The following ZSCAN30 variants were observed in gnomAD, a reference collection of about 807,000 sequenced individuals.
ZSCAN30 encodes zinc finger and SCAN domain containing 30.
In ZSCAN30, 37 loss-of-function variants were observed where a neutral mutation model predicts 44.3. That is an observed-to-expected ratio of 0.84 (90% confidence interval 0.64 to 1.10). The LOEUF (loss-of-function observed/expected upper bound fraction) is 1.10. Ranked by LOEUF, ZSCAN30 falls within the 50% of genes least tolerant of loss-of-function variation. The pLI, the probability that ZSCAN30 is intolerant of heterozygous loss-of-function variation, is 0.00. For missense variants in ZSCAN30, 549 were observed against 582.6 expected (o/e 0.94, Z 0.59); for synonymous variants, 181 against 204.6 (o/e 0.88, Z 0.98).
At position 35,264,214 on chromosome 18, in the gene ZSCAN30, ATACCTCT is replaced by A. The variant is rs2044098429; in HGVS notation, c.132_138del (p.Gln44HisfsTer21). The A allele has an allele frequency of 6.2e-7, 1 of 1,614,102 alleles. No individual in the cohort carries two copies. Among genetic ancestry groups the A allele is most frequent in the African/African-American group, 1.3e-5 (1 of 74,946 alleles). Reference sequence around the variant, plus strand: ...CTAAACTGCCTGAACTTCTGCCGGAATACCTCTTGGCTCCAGGGGTTTTCCTGAAGGC... The same window carrying A: ...CTAAACTGCCTGAACTTCTGCCGGAATGGCTCCAGGGGTTTTCCTGAAGGC... On this transcript the variant is annotated frameshift_variant, in exon 2 of 4. Coordinates refer to ENST00000333206, the MANE Select transcript of ZSCAN30 (RefSeq NM_001112734.4). LOFTEE classifies it high-confidence loss of function.
At chr18:35,266,564 T>A (rs1194823179) in intron 1 of ZSCAN30, 1 of 151,798 alleles carries the variant, frequency 6.6e-6, no homozygotes, top group Non-Finnish European at 1.5e-5. Flanking sequence ...CTGAGATGCC[T>A]ACGAAGCAGC....
chr18:35,263,461 G>A (rs549783748), intron 3 of ZSCAN30, 52 bp downstream of exon 3: 3 of 1,606,864 alleles, frequency 1.9e-6, no homozygotes, highest in Non-Finnish European at 1.7e-6. Flanking sequence ...CCGTGCCACA[G>A]TTGATAGCTC....
rs530974773 is a variant in ZSCAN30 at position 35,251,318 on chromosome 18, A to G, written c.*2132T>C. On this transcript the variant is annotated 3_prime_UTR_variant, in exon 4 of 4. Transcript: ENST00000333206. ...CCAACACTTACAATTCACAATCAGGAGAAAAACCTATTATATGATACTTAA... is the reference window on the plus strand; with the variant it reads ...CCAACACTTACAATTCACAATCAGGGGAAAAACCTATTATATGATACTTAA... The G allele has an allele frequency of 1.6e-4, 25 of 152,274 alleles. No homozygotes were observed. Among genetic ancestry groups the G allele is most frequent in the Non-Finnish European group, 2.9e-4 (20 of 68,034 alleles). 9.4% of individuals were successfully genotyped at this position (152,274 alleles called of 1,614,324 possible).
chr18:35,253,686 C>A lies in ZSCAN30; in HGVS notation c.1249G>T (p.Ala417Ser), dbSNP rs762793902. The A allele has an allele frequency of 1.2e-6, 2 of 1,614,004 alleles. No individual in the cohort carries two copies. Among genetic ancestry groups the A allele is most frequent in the African/African-American group, 2.7e-5 (2 of 74,894 alleles). The change falls in exon 4 of 4, where the codon GCA becomes TCA. Residue 417 changes from alanine (A) to serine (S), a missense_variant. Physicochemically the swap from Ala to Ser is moderately conservative, Grantham distance 99. Transcript: ENST00000333206. ...CTCCTACCAAAAGCCTTACCACATGCAATACATTCATAGCTTTTATCTCCA... is the reference window on the plus strand; with the variant it reads ...CTCCTACCAAAAGCCTTACCACATGAAATACATTCATAGCTTTTATCTCCA... ...HTGDKSYECIACGKAFGRSSI... is the reference protein window; with the variant it reads ...HTGDKSYECISCGKAFGRSSI...
chr18:35,271,943 G>GCGGGGCCCGC (rs1278431766), intron 1 of ZSCAN30, among the ~76,000 whole-genome samples: 3 of 152,106 alleles, frequency 2.0e-5, no homozygotes, highest in Non-Finnish European at 4.4e-5. Flanking sequence ...CGCTCCAAGT[G>GCGGGGCCCGC]CGGGGCCCGC....
In ZSCAN30 at chr18:35,264,411, T is replaced by G; in HGVS notation, c.-59A>C. 1 of 1,543,462 alleles carries G rather than the reference T, an allele frequency of 6.5e-7. No individual in the cohort carries two copies. Among genetic ancestry groups the G allele is most frequent in the Non-Finnish European group, 8.7e-7 (1 of 1,142,964 alleles). On this transcript the variant is annotated 5_prime_UTR_variant, in exon 2 of 4. Coordinates refer to ENST00000333206, the MANE Select transcript of ZSCAN30 (RefSeq NM_001112734.4). Reference sequence around the variant, plus strand: ...GTGAGGCAGGGAGGAGATGGAGATTTGCGTCTGAGAGATTCCTTCTGAATT... The same window carrying G: ...GTGAGGCAGGGAGGAGATGGAGATTGGCGTCTGAGAGATTCCTTCTGAATT...
chr18:35,264,431 T>G lies in ZSCAN30; in HGVS notation c.-79A>C. On this transcript the variant is annotated 5_prime_UTR_variant, in exon 2 of 4. Coordinates refer to ENST00000333206, the MANE Select transcript of ZSCAN30 (RefSeq NM_001112734.4). ...AGATTTGCGTCTGAGAGATTCCTTC[T>G]GAATTCCAACTCCCCAGGACGCTCC... The G allele has an allele frequency of 6.8e-7, 1 of 1,466,738 alleles. No homozygotes were observed. Among genetic ancestry groups the G allele is most frequent in the Non-Finnish European group, 9.2e-7 (1 of 1,086,674 alleles). 90.9% of individuals were successfully genotyped at this position (1,466,738 alleles called of 1,614,324 possible).
At chr18:35,257,231 G>A (rs924895046) in intron 3 of ZSCAN30, 6 of 152,368 alleles carry the variant, frequency 3.9e-5, no homozygotes, top group African/African-American at 1.4e-4. Flanking sequence ...GCATATTGAC[G>A]AGTATGCTTT....
At chr18:35,264,541 A>G (rs2044106149) in intron 1 of ZSCAN30, 86 bp from the exon 2 acceptor site, 1 of 602,550 alleles carries the variant, frequency 1.7e-6, no homozygotes, top group African/African-American at 1.9e-5. Flanking sequence ...GTTGCCAGGG[A>G]GCATAGCATT....
intron 1 of ZSCAN30, among the ~76,000 whole-genome samples, chr18:35,274,044 G>A (rs2044328897): frequency 6.6e-6 from 1 of 152,124 alleles, no homozygotes; most frequent in African/African-American, 2.4e-5. Flanking sequence ...TTGAGACGGA[G>A]TCTTGCTGTT....
chr18:35,263,270 G>T, intron 3 of ZSCAN30: 1 of 459,780 alleles, frequency 2.2e-6, no homozygotes, highest in Non-Finnish European at 3.8e-6. Flanking sequence ...AAAAGAAAAA[G>T]AAAAAAAATA....
chr18:35,272,074 C>T (rs1257912004), intron 1 of ZSCAN30, among the ~76,000 whole-genome samples: 1 of 152,218 alleles, frequency 6.6e-6, no homozygotes, highest in African/African-American at 2.4e-5. Flanking sequence ...GGGGCTTCCA[C>T]AGTGCAGCGG....
intron 1 of ZSCAN30, among the ~76,000 whole-genome samples, chr18:35,271,635 T>C (rs1465222767): frequency 6.6e-6 from 1 of 152,260 alleles, no homozygotes; most frequent in Non-Finnish European, 1.5e-5. Flanking sequence ...TGCCTGCCAG[T>C]CCTGCACCGC....
intron 3 of ZSCAN30, 55 bp downstream of exon 3, chr18:35,263,458 A>C: frequency 6.2e-7 from 1 of 1,604,336 alleles, no homozygotes; most frequent in Non-Finnish European, 8.5e-7. Flanking sequence ...GAACCGTGCC[A>C]CAGTTGATAG....
intron 1 of ZSCAN30, among the ~76,000 whole-genome samples, chr18:35,278,749 G>A (rs1211821361): frequency 1.3e-5 from 2 of 152,104 alleles, no homozygotes; most frequent in African/African-American, 2.4e-5. Flanking sequence ...TCTACTCCTT[G>A]CTTGGAAATA....
Position 35,253,341 on chromosome 18 carries a change from G to T in ZSCAN30, c.*109C>A. ...CATGTCTTCTTATAGTACCGAACTGGGAGGGAAGGACAGAAGTTCTGCTCT... is the reference window on the plus strand; with the variant it reads ...CATGTCTTCTTATAGTACCGAACTGTGAGGGAAGGACAGAAGTTCTGCTCT... On this transcript the variant is annotated 3_prime_UTR_variant, in exon 4 of 4. Coordinates refer to ENST00000333206, the MANE Select transcript of ZSCAN30 (RefSeq NM_001112734.4). The T allele has an allele frequency of 4.9e-6, 4 of 813,042 alleles. No homozygotes were observed. Among genetic ancestry groups the T allele is most frequent in the Non-Finnish European group, 5.7e-6 (3 of 526,370 alleles). 50.4% of individuals were successfully genotyped at this position (813,042 alleles called of 1,614,324 possible).
chr18:35,284,160 G>C (rs1253741238), intron 1 of ZSCAN30: 1 of 155,024 alleles, frequency 6.5e-6, no homozygotes, highest in Non-Finnish European at 1.4e-5. Context: ...GGAGTAGGTA[G>C]CTCCTCTCTG....
In ZSCAN30 at chr18:35,254,072, T is replaced by A; in HGVS notation, c.863A>T (p.Asp288Val). Residue 288 changes from aspartate (D) to valine (V), a missense_variant, in exon 4 of 4, where the codon GAT becomes GTT. Coordinates refer to ENST00000333206, the MANE Select transcript of ZSCAN30 (RefSeq NM_001112734.4). ...SEGSFSMNSN[D>V]ITQQSVDTRE... ...AGTGTCAACGCTCTGTTGTGTAATA[T>A]CATTTGAATTCATACTGAAACTTCC... The A allele has an allele frequency of 6.2e-7, 1 of 1,614,122 alleles. No individual in the cohort carries two copies. Among genetic ancestry groups the A allele is most frequent in the Non-Finnish European group, 8.5e-7 (1 of 1,180,010 alleles).
In ZSCAN30 at chr18:35,254,010, C is replaced by A; in HGVS notation, c.925G>T (p.Ala309Ser). ...KLYECFDCGK[A>S]FCQSSKLIRH... ...ATCAGCTTTGAGCTCTGGCAAAAGGCCTTCCCACAGTCAAAGCACTCATAG... is the reference window on the plus strand; with the variant it reads ...ATCAGCTTTGAGCTCTGGCAAAAGGACTTCCCACAGTCAAAGCACTCATAG... The change falls in exon 4 of 4, where the codon GCC (alanine) becomes TCC (serine). Residue 309 changes from alanine (A) to serine (S), a missense_variant. Physicochemically the swap from Ala to Ser is moderately conservative, Grantham distance 99. Coordinates refer to ENST00000333206, the MANE Select transcript of ZSCAN30 (RefSeq NM_001112734.4). 3.7e-6 allele frequency: 6 copies of A among 1,614,184 alleles called. No individual in the cohort carries two copies. The highest frequency in any genetic ancestry group is 5.1e-6 in the Non-Finnish European group (6 of 1,180,022).
Sources: gnomAD v4.1 joint callset for allele counts (sites outside exome capture counted in the v4.1 genomes callset) on GRCh38, gnomAD v4.1.1 for gene constraint, MANE v1.5 for transcripts, NCBI Gene and HGNC (gene_info 2026-07-23, HGNC 2026-07-21) for gene names.